LAMA2: variants seen among roughly 807,000 people sequenced by gnomAD.
LAMA2 encodes the protein laminin subunit alpha 2.
A neutral mutation model predicts 364.8 loss-of-function variants in LAMA2; 269 were observed. The observed-to-expected ratio is 0.74, with a 90% CI of 0.67 to 0.82. The LOEUF (loss-of-function observed/expected upper bound fraction) is 0.82. LAMA2 is among the 40% of genes least tolerant of loss of function. The pLI, the probability that LAMA2 is intolerant of heterozygous loss-of-function variation, is 0.00. For synonymous variants in LAMA2, 1,379 were observed against 1,370.6 expected (o/e 1.01, Z -0.14); for missense variants, 3,807 against 3,873.2 (o/e 0.98, Z 0.45).
At chr6:129,229,271 A>T (rs550529609) in intron 12 of LAMA2, among the ~76,000 whole-genome samples, 8 of 152,176 alleles carry the variant, frequency 5.3e-5, no homozygotes. Context: ...TTAATTTTAT[A>T]TAGAATATTA....
At chr6:129,094,063 T>C (rs1233442865) in intron 3 of LAMA2, among the ~76,000 whole-genome samples, 1 of 152,202 alleles carries the variant, frequency 6.6e-6, no homozygotes, top group African/African-American at 2.4e-5. Flanking sequence ...AAAAGTAGCA[T>C]AGAAAACATT....
chr6:129,460,365 A>C, intron 49 of LAMA2, 41 bp downstream of exon 49: 1 of 1,601,428 alleles, frequency 6.2e-7, no homozygotes, highest in Non-Finnish European at 8.6e-7. Context: ...TGTCCTGTGC[A>C]TAATAAAAGC....
At chr6:128,963,647 G>C (rs1474307129) in intron 1 of LAMA2, among the ~76,000 whole-genome samples, 1 of 152,034 alleles carries the variant, frequency 6.6e-6, no homozygotes, top group Non-Finnish European at 1.5e-5. Context: ...TAAATTATTA[G>C]CAAAAGCAGC....
At chr6:129,069,634 G>T (rs939046922) in intron 3 of LAMA2, among the ~76,000 whole-genome samples, 1 of 148,740 alleles carries the variant, frequency 6.7e-6, no homozygotes, top group Non-Finnish European at 1.5e-5. Flanking sequence ...TAATGACTGG[G>T]AGAGGGTATG....
intron 41 of LAMA2, among the ~76,000 whole-genome samples, chr6:129,437,635 A>T (rs1386021498): frequency 2.0e-5 from 3 of 152,096 alleles, no homozygotes; most frequent in African/African-American, 7.2e-5. Flanking sequence ...GAGCTGTTGT[A>T]TCCAGTCAAG....
At chr6:129,345,898 G>A (rs1218168495) in intron 30 of LAMA2, among the ~76,000 whole-genome samples, 1 of 152,092 alleles carries the variant, frequency 6.6e-6, no homozygotes, top group Admixed American at 6.6e-5. Flanking sequence ...GTGAAGCAAA[G>A]AAACCAGCCA....
At chr6:129,413,041 G>A (rs779988735) in intron 40 of LAMA2, among the ~76,000 whole-genome samples, 1 of 152,172 alleles carries the variant, frequency 6.6e-6, no homozygotes, top group Non-Finnish European at 1.5e-5. Context: ...AAAACAAAGG[G>A]ATTCGTCTAT....
chr6:129,120,102 G>C (rs934115743), intron 4 of LAMA2, among the ~76,000 whole-genome samples: 1 of 152,114 alleles, frequency 6.6e-6, no homozygotes, highest in African/African-American at 2.4e-5. Context: ...AATATGTCTA[G>C]AACATTTTAA....
chr6:129,516,407 CAAAT>C lies in LAMA2; in HGVS notation c.*62_*65del, dbSNP rs111454788. 2 of 1,508,100 alleles carry C rather than the reference CAAAT, an allele frequency of 1.3e-6. No homozygotes were observed. The highest frequency in any genetic ancestry group is 2.3e-5 in the South Asian group (2 of 86,426). 93.4% of individuals were successfully genotyped at this position (1,508,100 alleles called of 1,614,324 possible). A position where few individuals can be genotyped will look rare whatever the true frequency, so the allele number is the denominator to read the frequency against. On this transcript the variant is annotated 3_prime_UTR_variant, in exon 65 of 65. Coordinates refer to ENST00000421865, the MANE Select transcript of LAMA2 (RefSeq NM_000426.4). ...AAACAAGTATATCAAGTAAAACAAACAAATATATTTTACCTATATATGTTAATTA... is the reference window on the plus strand; with the variant it reads ...AAACAAGTATATCAAGTAAAACAAACATATTTTACCTATATATGTTAATTA...
At chr6:129,218,733 T>C (rs1783589054) in intron 12 of LAMA2, among the ~76,000 whole-genome samples, 1 of 152,164 alleles carries the variant, frequency 6.6e-6, no homozygotes, top group Non-Finnish European at 1.5e-5. Context: ...ACAGCTGAAA[T>C]TGTGCTTCTA....
chr6:129,076,631 C>A (rs1402174135), intron 3 of LAMA2, among the ~76,000 whole-genome samples: 1 of 150,622 alleles, frequency 6.6e-6, no homozygotes, highest in South Asian at 2.1e-4. Flanking sequence ...TGTAAACACA[C>A]AAATGTTGAC....
intron 1 of LAMA2, among the ~76,000 whole-genome samples, chr6:128,884,143 C>A (rs4443524): frequency 0.077 from 11,653 of 152,068 alleles, 560 homozygotes; most frequent in Middle Eastern, 0.15. Flanking sequence ...CTCCTCAGAG[C>A]CTCTTAGTGT....
At chr6:129,228,458 C>G (rs265334) in intron 12 of LAMA2, among the ~76,000 whole-genome samples, 89,707 of 151,920 alleles carry the variant, frequency 0.59, 31,112 homozygotes, top group Non-Finnish European at 0.77. Context: ...GTTCCTATTC[C>G]AATTATACTG....
rs570497748 is a variant in LAMA2, at chr6:129,107,562, T to G, written c.639+9147T>G. ...GAATAGGTGAGGGTCTCAGTGCTAA[T>G]GTAGGGTTAATCCAGGGCCAAGTAG... On this transcript the variant is annotated intron_variant, in intron 4 of 64. Transcript: ENST00000421865. 2.0e-5 allele frequency among the ~76,000 whole-genome samples: 3 copies of G among 152,212 alleles called. No homozygotes were observed. The East Asian group carries it at 5.8e-4, about 29-fold the overall frequency.
intron 39 of LAMA2, among the ~76,000 whole-genome samples, chr6:129,403,430 G>A (rs1583668515): frequency 6.6e-6 from 1 of 152,064 alleles, no homozygotes. Flanking sequence ...GGTCTCTTCT[G>A]GGAAGTGCAC....
chr6:129,470,111 A>T (rs1562593319), intron 51 of LAMA2, among the ~76,000 whole-genome samples: 1 of 151,862 alleles, frequency 6.6e-6, no homozygotes, highest in South Asian at 2.1e-4. Context: ...AAACTGTTTT[A>T]AAAATAGGAC....
At chr6:129,406,567 A>G (rs1030859252) in intron 40 of LAMA2, among the ~76,000 whole-genome samples, 11 of 152,200 alleles carry the variant, frequency 7.2e-5, no homozygotes, top group Admixed American at 6.5e-4. Context: ...TGGAATAAAA[A>G]TGGAATATGG....
intron 48 of LAMA2, 94 bp downstream of exon 48, chr6:129,456,588 C>G (rs759055347): frequency 4.5e-4 from 530 of 1,177,828 alleles, no homozygotes; most frequent in Middle Eastern, 1.4e-3. Flanking sequence ...CTCTGTAAAA[C>G]TTGATCACGT....
rs188579843 is a variant in LAMA2 at position 129,306,426 on chromosome 6, G to A, written c.3174+5554G>A. Among the ~76,000 whole-genome samples, 33 of 116,868 alleles carry A rather than the reference G, an allele frequency of 2.8e-4. 1 individual carries two copies. The Admixed American group carries it at 3.0e-3, about 11-fold the overall frequency. 76.7% of individuals were successfully genotyped at this position (116,868 alleles called of 152,430 possible). ...TTGCAGCAATTTAATTATGCTTTTT[G>A]TTTTCTTTTTGTGTGTTTAATAATT... is the stretch of plus-strand genomic sequence containing the variant. On this transcript the variant is annotated intron_variant, in intron 22 of 64. Coordinates refer to ENST00000421865, the MANE Select transcript of LAMA2 (RefSeq NM_000426.4).
Sources: allele counts gnomAD v4.1 joint callset (sites outside exome capture counted in the v4.1 genomes callset), GRCh38; gene constraint gnomAD v4.1.1; transcripts MANE v1.5; gene names NCBI Gene and HGNC (gene_info 2026-07-23, HGNC 2026-07-21).